The following NPAS3 variants were observed in gnomAD, a reference collection of about 807,000 sequenced individuals.
The protein encoded by NPAS3 is neuronal PAS domain protein 3.
A neutral mutation model predicts 73.1 loss-of-function variants in NPAS3; 14 were observed. That is an observed-to-expected ratio of 0.19 (90% confidence interval 0.13 to 0.30). NPAS3 has a LOEUF of 0.30. Among genes scored for constraint, NPAS3 ranks in the 10% least tolerant of loss-of-function variants. The probability of loss-of-function intolerance (pLI) is 1.00; values close to 1 mark genes in which losing one functional copy is unlikely to be tolerated. For synonymous variants in NPAS3, 620 were observed against 541.5 expected, an observed-to-expected ratio of 1.14 and a Z score of -2.01; for missense variants, 1,096 against 1,250.0, an observed-to-expected ratio of 0.88 and a Z score of 1.86.
At chr14:33,551,606 A>G (rs1267396049) in intron 4 of NPAS3, among the ~76,000 whole-genome samples, 1 of 152,222 alleles carries the variant, frequency 6.6e-6, no homozygotes, top group Admixed American at 6.5e-5. Context: ...GAAGGGGGAA[A>G]AAGCTAACAT....
At chr14:33,633,205 T>A (rs1019376015) in intron 5 of NPAS3, among the ~76,000 whole-genome samples, 7 of 152,158 alleles carry the variant, frequency 4.6e-5, no homozygotes, top group Admixed American at 2.6e-4. Flanking sequence ...ATCTGATGAT[T>A]TTGGTAATCT....
chr14:33,401,258 G>A (rs2047433222), intron 4 of NPAS3, among the ~76,000 whole-genome samples: 1 of 152,120 alleles, frequency 6.6e-6, no homozygotes, highest in Non-Finnish European at 1.5e-5. Flanking sequence ...AGAAGAGAGT[G>A]TAGAATGGGG....
At chr14:33,052,026 T>A (rs2040728916) in intron 1 of NPAS3, among the ~76,000 whole-genome samples, 1 of 152,338 alleles carries the variant, frequency 6.6e-6, no homozygotes, top group East Asian at 1.9e-4. Flanking sequence ...CCCAAAGTGC[T>A]GGGATTACAG....
At chr14:33,605,411 CACAA>C (rs1567047434) in intron 5 of NPAS3, among the ~76,000 whole-genome samples, 1 of 83,630 alleles carries the variant, frequency 1.2e-5, no homozygotes. Flanking sequence ...AAAAAAAAAA[CACAA>C]ACCTTTTATT....
Position 33,611,502 on chromosome 14 carries a change from G to C in NPAS3, c.558+51292G>C, listed in dbSNP as rs76848537. 9.0e-3 allele frequency among the ~76,000 whole-genome samples: 1,373 copies of C among 152,088 alleles called. 9 individuals carry two copies. The highest frequency in any genetic ancestry group is 0.016 in the Non-Finnish European group (1,068 of 67,984). The stretch of plus-strand genomic sequence containing the variant: ...GGGCAGTTAGGGGCAGTCTTAGACC[G>C]GGGGAGCTAAATATAAAATGAAAGG... On this transcript the variant is annotated intron_variant, in intron 5 of 11. Transcript: ENST00000356141.
intron 2 of NPAS3, among the ~76,000 whole-genome samples, chr14:33,171,400 C>G (rs1351496423): frequency 6.6e-6 from 1 of 152,220 alleles, no homozygotes; most frequent in Non-Finnish European, 1.5e-5. Context: ...TTACCAGCTG[C>G]TTTAGCTTCT....
intron 9 of NPAS3, among the ~76,000 whole-genome samples, chr14:33,788,300 T>C (rs182778904): frequency 6.6e-6 from 1 of 152,314 alleles, no homozygotes; most frequent in East Asian, 1.9e-4. Flanking sequence ...AGGGGGTGAA[T>C]GGCGCCACAG....
chr14:33,547,970 A>G (rs2054924650), intron 4 of NPAS3, among the ~76,000 whole-genome samples: 2 of 152,374 alleles, frequency 1.3e-5, no homozygotes, highest in Admixed American at 1.3e-4. Context: ...TTCTGATTCT[A>G]GACTAAGATA....
At chr14:33,779,049 A>G (rs548880001) in intron 9 of NPAS3, among the ~76,000 whole-genome samples, 1 of 152,358 alleles carries the variant, frequency 6.6e-6, no homozygotes, top group South Asian at 2.1e-4. Flanking sequence ...CGTTCTTTAG[A>G]GAAAATGTTG....
chr14:33,315,886 A>C (rs2140215752), intron 3 of NPAS3, among the ~76,000 whole-genome samples: 1 of 152,220 alleles, frequency 6.6e-6, no homozygotes. Flanking sequence ...ATTAGTCTCA[A>C]GTTTCCCAAC....
At chr14:33,465,654 C>G (rs892129983) in intron 4 of NPAS3, among the ~76,000 whole-genome samples, 3 of 152,106 alleles carry the variant, frequency 2.0e-5, no homozygotes, top group Non-Finnish European at 4.4e-5. Flanking sequence ...ATATAGTTTA[C>G]AAATGGTGGT....
chr14:32,952,012 TTAA>T (rs1406660762), intron 1 of NPAS3, among the ~76,000 whole-genome samples: 1 of 152,088 alleles, frequency 6.6e-6, no homozygotes, highest in African/African-American at 2.4e-5. Flanking sequence ...AAATTCCCAA[TTAA>T]TGATACTTAA....
chr14:33,339,402 G>T (rs909936969), intron 3 of NPAS3, among the ~76,000 whole-genome samples: 1 of 152,120 alleles, frequency 6.6e-6, no homozygotes, highest in Non-Finnish European at 1.5e-5. Flanking sequence ...TTTAGCAGTA[G>T]CTCAGCTTTT....
chr14:33,174,016 G>T lies in NPAS3; in HGVS notation c.141-41166G>T, dbSNP rs2045493387. Among the ~76,000 whole-genome samples, 3 of 152,204 alleles carry T rather than the reference G, an allele frequency of 2.0e-5. No individual in the cohort carries two copies. The South Asian group carries it at 6.2e-4, about 31-fold the overall frequency. On this transcript the variant is annotated intron_variant, in intron 2 of 11. Coordinates refer to ENST00000356141, the Ensembl canonical transcript of NPAS3. The stretch of plus-strand genomic sequence containing the variant: ...CCTAATATTTTAATATTCGAAGCAA[G>T]TTCCTATGTGAGGAGGTTTCAGAGG...
chr14:33,352,597 T>C (rs956707964), intron 3 of NPAS3, among the ~76,000 whole-genome samples: 9 of 152,196 alleles, frequency 5.9e-5, no homozygotes, highest in Non-Finnish European at 1.3e-4. Context: ...TATTTAGAAA[T>C]AAATGTTTCT....
At chr14:33,185,620 G>A (rs1263506578) in intron 2 of NPAS3, among the ~76,000 whole-genome samples, 1 of 152,120 alleles carries the variant, frequency 6.6e-6, no homozygotes, top group Non-Finnish European at 1.5e-5. Flanking sequence ...TAGCTAATGT[G>A]TTCTTGAATG....
chr14:33,780,137 C>G (rs1256797147), intron 9 of NPAS3, among the ~76,000 whole-genome samples: 2 of 152,230 alleles, frequency 1.3e-5, no homozygotes, highest in Non-Finnish European at 2.9e-5. Flanking sequence ...TACCACGTCT[C>G]TGGAAAGAGC....
At chr14:33,296,131 C>A (rs17100575) in intron 3 of NPAS3, among the ~76,000 whole-genome samples, 56,775 of 152,014 alleles carry the variant, frequency 0.37, 10,868 homozygotes, top group African/African-American at 0.43. Context: ...TTGGAATTAG[C>A]CTTGATTTTT....
At chr14:33,329,521 A>T (rs879200410) in intron 3 of NPAS3, among the ~76,000 whole-genome samples, 2 of 152,216 alleles carry the variant, frequency 1.3e-5, no homozygotes, top group Non-Finnish European at 2.9e-5. Flanking sequence ...CAGCAAACAC[A>T]GAAATTCTCA....
Sources: allele counts gnomAD v4.1 joint callset (sites outside exome capture counted in the v4.1 genomes callset), GRCh38; gene constraint gnomAD v4.1.1; transcripts MANE v1.5; gene names NCBI Gene and HGNC (gene_info 2026-07-23, HGNC 2026-07-21).